Variants in BLMH observed in about 807,000 individuals in gnomAD.
BLMH encodes bleomycin hydrolase.
BLMH carries 32 observed loss-of-function variants against 61.6 expected under a neutral mutation model. That is an observed-to-expected ratio of 0.52 (90% CI 0.39 to 0.70). The LOEUF (loss-of-function observed/expected upper bound fraction) is 0.70. BLMH is among the 30% of genes least tolerant of loss of function. The pLI is 0.00. For missense variants in BLMH, 460 were observed against 555.5 expected (o/e 0.83, Z 1.73); for synonymous variants, 183 against 193.8 (o/e 0.94, Z 0.46).
At chr17:30,253,371 G>C (rs2143019527) in intron 11 of BLMH, among the ~76,000 whole-genome samples, 1 of 152,260 alleles carries the variant, frequency 6.6e-6, no homozygotes, top group South Asian at 2.1e-4. Flanking sequence ...CTGCCAAGAG[G>C]ACCCGCCTTG....
chr17:30,271,193 CT>C, intron 10 of BLMH, 77 bp downstream of exon 10: 1 of 1,102,738 alleles, frequency 9.1e-7, no homozygotes, highest in South Asian at 1.3e-5. Context: ...ATGAATGAAG[CT>C]TTGTTGGGTA....
chr17:30,280,611 G>T (rs1017081155), intron 6 of BLMH, among the ~76,000 whole-genome samples: 2 of 152,096 alleles, frequency 1.3e-5, no homozygotes, highest in Admixed American at 6.6e-5. Context: ...CATGTAGCTA[G>T]AATTACAGGC....
chr17:30,269,353 G>T (rs1043746064), intron 10 of BLMH, among the ~76,000 whole-genome samples: 2 of 151,424 alleles, frequency 1.3e-5, no homozygotes, highest in Non-Finnish European at 2.9e-5. Flanking sequence ...GCTAATTTTT[G>T]TATTTTTAGT....
At chr17:30,257,715 T>C (rs558468041) in intron 11 of BLMH, among the ~76,000 whole-genome samples, 3 of 152,348 alleles carry the variant, frequency 2.0e-5, no homozygotes, top group Admixed American at 2.0e-4. Flanking sequence ...GTTTTGATTC[T>C]TATTCTCACA....
At chr17:30,249,403 C>T (rs1464572312) in intron 11 of BLMH, 7 of 482,644 alleles carry the variant, frequency 1.5e-5, no homozygotes, top group Non-Finnish European at 2.2e-5. Context: ...AGGTGATGTG[C>T]CCAGGTCACA....
Position 30,291,939 on chromosome 17 carries a change from A to T in BLMH, c.-120T>A. The T allele has an allele frequency of 3.5e-6, 4 of 1,142,934 alleles. No homozygotes were observed. Among genetic ancestry groups the T allele is most frequent in the Non-Finnish European group, 4.5e-6 (4 of 888,816 alleles). The allele number at this position is 1,142,934 out of a possible 1,614,324, so 70.8% of individuals were successfully genotyped here. A position where few individuals can be genotyped will look rare whatever the true frequency, so the allele number is the denominator to read the frequency against. ...CTGTCTCTCGCACCCGGAGCGCCGGAAAAAGGAAACCGGCTCGGCGGCGGC... is the reference window on the plus strand; with the variant it reads ...CTGTCTCTCGCACCCGGAGCGCCGGTAAAAGGAAACCGGCTCGGCGGCGGC... On this transcript the variant is annotated 5_prime_UTR_variant, in exon 1 of 12. Coordinates refer to ENST00000261714, the MANE Select transcript of BLMH (RefSeq NM_000386.4).
chr17:30,274,994 T>C (rs1475347473), intron 6 of BLMH, among the ~76,000 whole-genome samples: 1 of 127,546 alleles, frequency 7.8e-6, no homozygotes, highest in African/African-American at 3.0e-5. Context: ...ATACAAAAAT[T>C]AGGGGCACAT....
Position 30,256,934 on chromosome 17 carries a change from T to G in BLMH, c.1217-7766A>C, listed in dbSNP as rs1394766388. ...AGCATGACCTAATACCTCCTTGAATTTGTACAGGGTATGTTGCAAATGTGC... is the reference window on the plus strand; with the variant it reads ...AGCATGACCTAATACCTCCTTGAATGTGTACAGGGTATGTTGCAAATGTGC... On this transcript the variant is annotated intron_variant, in intron 11 of 11. Transcript: ENST00000261714. Among the ~76,000 whole-genome samples the G allele has an allele frequency of 6.6e-5, 10 of 152,336 alleles. No individual in the cohort carries two copies. The East Asian group carries it at 1.9e-3, about 29-fold the overall frequency.
intron 6 of BLMH, among the ~76,000 whole-genome samples, chr17:30,275,656 G>T (rs1908402976): frequency 6.6e-6 from 1 of 151,848 alleles, no homozygotes; most frequent in Admixed American, 6.6e-5. Flanking sequence ...ATTGCACTCT[G>T]GCCTGGGGGA....
intron 1 of BLMH, 126 bp downstream of exon 1, chr17:30,291,681 C>G: frequency 7.2e-7 from 1 of 1,379,554 alleles, no homozygotes; most frequent in Non-Finnish European, 9.5e-7. Context: ...GCCGATCCAG[C>G]CTGCCCCGAA....
rs1907600756 is a variant in BLMH at position 30,248,959 on chromosome 17, T to A, written c.*58A>T. 1.3e-5 allele frequency: 21 copies of A among 1,598,182 alleles called. No individual in the cohort carries two copies. In the South Asian group the frequency reaches 2.3e-4, roughly 17 times the overall value. ...CATAACTTTGGCTTCAGTCCCTGGA[T>A]CTGTCCTTTGCAGCTACGTCAGGTT... On this transcript the variant is annotated 3_prime_UTR_variant, in exon 12 of 12. Coordinates refer to ENST00000261714, the MANE Select transcript of BLMH (RefSeq NM_000386.4).
chr17:30,291,702 C>T, intron 1 of BLMH, 105 bp downstream of exon 1: 2 of 1,402,782 alleles, frequency 1.4e-6, no homozygotes, highest in Non-Finnish European at 1.9e-6. Flanking sequence ...AGCTCCCTCC[C>T]CGCCATCGCC....
In BLMH at chr17:30,272,755, T is replaced by C; in HGVS notation, c.946A>G (p.Ile316Val). The C allele has an allele frequency of 1.2e-6, 2 of 1,614,176 alleles. No homozygotes were observed. The highest frequency in any genetic ancestry group is 1.7e-6 in the Non-Finnish European group (2 of 1,180,022). ...DFLKKMVAAS[I>V]KDGEAVWFGC... ...ACAATACCAACCTCTCCATCTTTGATGGAGGCAGCAACCATCTTTTTCAGG... is the reference window on the plus strand; with the variant it reads ...ACAATACCAACCTCTCCATCTTTGACGGAGGCAGCAACCATCTTTTTCAGG... Residue 316 changes from isoleucine (I) to valine (V), a missense_variant, in exon 8 of 12, where the codon ATC (isoleucine) becomes GTC (valine). By Grantham distance (29) the Ile-to-Val change is conservative (BLOSUM62 3). Coordinates refer to ENST00000261714, the MANE Select transcript of BLMH (RefSeq NM_000386.4).
chr17:30,258,293 T>C (rs1404443116), intron 11 of BLMH, among the ~76,000 whole-genome samples: 1 of 151,558 alleles, frequency 6.6e-6, no homozygotes, highest in African/African-American at 2.4e-5. Flanking sequence ...GAAACAGTGA[T>C]CTGAGAAGAG....
chr17:30,277,336 T>A (rs1029138831), intron 6 of BLMH, among the ~76,000 whole-genome samples: 1 of 152,242 alleles, frequency 6.6e-6, no homozygotes, highest in African/African-American at 2.4e-5. Context: ...ATTTTGTATT[T>A]ACTCAGTGCC....
At chr17:30,270,915 G>A (rs1908250366) in intron 10 of BLMH, among the ~76,000 whole-genome samples, 1 of 152,126 alleles carries the variant, frequency 6.6e-6, no homozygotes, top group Non-Finnish European at 1.5e-5. Context: ...TCTGAACATA[G>A]GTCATCAAGA....
chr17:30,263,347 T>G (rs1908014600), intron 11 of BLMH, among the ~76,000 whole-genome samples: 1 of 152,212 alleles, frequency 6.6e-6, no homozygotes, highest in Admixed American at 6.5e-5. Flanking sequence ...TCTTAAATAT[T>G]TTATAAAATA....
At chr17:30,269,624 C>T (rs1908209396) in intron 10 of BLMH, among the ~76,000 whole-genome samples, 1 of 152,160 alleles carries the variant, frequency 6.6e-6, no homozygotes. Flanking sequence ...GCAAATTATA[C>T]TCCACACATT....
intron 11 of BLMH, among the ~76,000 whole-genome samples, chr17:30,258,576 A>T (rs1907877267): frequency 6.6e-6 from 1 of 152,162 alleles, no homozygotes; most frequent in Non-Finnish European, 1.5e-5. Flanking sequence ...CAGTCAGCAG[A>T]AGTGTCCACA....
Sources: allele counts gnomAD v4.1 joint callset (sites outside exome capture counted in the v4.1 genomes callset), GRCh38; gene constraint gnomAD v4.1.1; transcripts MANE v1.5; gene names NCBI Gene and HGNC (gene_info 2026-07-23, HGNC 2026-07-21).